The following NUP43 variants were observed in gnomAD, a reference collection of about 807,000 sequenced individuals.
The protein encoded by NUP43 is nucleoporin 43, also known as nucleoporin Nup43.
Under a neutral mutation model 47.3 loss-of-function variants are expected in NUP43, and 32 were observed. The observed-to-expected ratio is 0.68, with a 90% CI of 0.51 to 0.91. The LOEUF is 0.91. Among genes scored for constraint, NUP43 ranks in the 40% least tolerant of loss-of-function variants. The pLI, the probability that NUP43 is intolerant of heterozygous loss-of-function variation, is 0.00. For missense variants in NUP43, 444 were observed against 453.9 expected, an observed-to-expected ratio of 0.98 and a Z score of 0.20; for synonymous variants, 147 against 158.4, an observed-to-expected ratio of 0.93 and a Z score of 0.54.
In NUP43 at chr6:149,742,374, C is replaced by G; in HGVS notation, c.502+16G>C. On this transcript the variant is annotated intron_variant, in intron 4 of 7. Coordinates refer to ENST00000340413, the MANE Select transcript of NUP43 (RefSeq NM_198887.3). ...ACTAGGTTTCGCCATGTTGGCCAGG[C>G]TGGGATTTTTCTTACCTATGGTTCT... 1 of 1,612,214 alleles carries G rather than the reference C, an allele frequency of 6.2e-7. No individual in the cohort carries two copies. The highest frequency in any genetic ancestry group is 8.5e-7 in the Non-Finnish European group (1 of 1,178,528).
chr6:149,742,215 G>A (rs959010534), intron 4 of NUP43, among the ~76,000 whole-genome samples, 175 bp downstream of exon 4: 1 of 152,082 alleles, frequency 6.6e-6, no homozygotes, highest in East Asian at 1.9e-4. Flanking sequence ...TAGTAGAGAC[G>A]GTGTTTCTCC....
At chr6:149,747,865 T>C (rs1008904185), upstream of NUP43, among the ~76,000 whole-genome samples, 5 of 152,228 alleles carry the variant, frequency 3.3e-5, no homozygotes, top group African/African-American at 1.2e-4. Context: ...TCCATCTGGG[T>C]CAGCTTTAGA....
At chr6:149,728,988 T>A (rs1428521635) in intron 7 of NUP43, among the ~76,000 whole-genome samples, 1 of 152,094 alleles carries the variant, frequency 6.6e-6, no homozygotes, top group Non-Finnish European at 1.5e-5. Flanking sequence ...GGCCATGTTA[T>A]TTTCCTTTTT....
At chr6:149,733,817 A>T (rs1470164109) in intron 6 of NUP43, among the ~76,000 whole-genome samples, 1 of 149,400 alleles carries the variant, frequency 6.7e-6, no homozygotes, top group Non-Finnish European at 1.5e-5. Flanking sequence ...TTTCCTCAAA[A>T]TCTGTTTTGT....
At chr6:149,732,165 A>AG (rs1785083826) in intron 6 of NUP43, among the ~76,000 whole-genome samples, 1 of 148,902 alleles carries the variant, frequency 6.7e-6, no homozygotes, top group Non-Finnish European at 1.5e-5. Context: ...CTGGGCGACA[A>AG]AGTGAGACAC....
Position 149,742,720 on chromosome 6 carries a change from C to T in NUP43, c.322-150G>A, listed in dbSNP as rs1465769596. The T allele has an allele frequency of 1.2e-5, 7 of 591,470 alleles. No homozygotes were observed. In the East Asian group the frequency reaches 1.4e-4, roughly 12 times the overall value. The allele number at this position is 591,470 out of a possible 1,614,324, so 36.6% of individuals were successfully genotyped here. A position where few individuals can be genotyped will look rare whatever the true frequency, so the allele number is the denominator to read the frequency against. ...TTAGAATAATGAAATCTAGAAACTA[C>T]TGCCATCAAAGTTCTATATACACTG... On this transcript the variant is annotated intron_variant, in intron 3 of 7. Transcript: ENST00000340413.
chr6:149,746,276 G>A, intron 1 of NUP43, 100 bp downstream of exon 1: 1 of 1,526,956 alleles, frequency 6.5e-7, no homozygotes, highest in Non-Finnish European at 8.9e-7. Flanking sequence ...CTAAAAGTGC[G>A]AGAAGAACCA....
intron 6 of NUP43, among the ~76,000 whole-genome samples, chr6:149,732,233 C>T (rs533927470): frequency 6.7e-6 from 1 of 150,146 alleles, no homozygotes; most frequent in South Asian, 2.1e-4. Context: ...ACTAAATTTG[C>T]GTACTGGGCA....
intron 1 of NUP43, 37 bp downstream of exon 1, chr6:149,746,339 G>A (rs1242423565): frequency 1.9e-6 from 3 of 1,607,322 alleles, no homozygotes; most frequent in African/African-American, 1.3e-5. Flanking sequence ...CCGGAGAGAG[G>A]GAGGAGGTAG....
At chr6:149,738,924 T>C in intron 4 of NUP43, 146 bp from the exon 5 acceptor site, 1 of 438,476 alleles carries the variant, frequency 2.3e-6, no homozygotes, top group Non-Finnish European at 3.9e-6. Flanking sequence ...GCATGGTTAA[T>C]GTATATGTTT....
rs776726806 is a variant in NUP43 at position 149,738,689 on chromosome 6, A to G, written c.592T>C (p.Trp198Arg). Residue 198 changes from tryptophan to arginine, a missense_variant, in exon 5 of 8, where the codon TGG becomes CGG. By Grantham distance (101) the Trp-to-Arg change is moderately radical. Transcript: ENST00000340413. ...TCATTTCCTTGTTGTCTGAAATCCC[A>G]TATTTTCAACTGTCCAATTGAATTT... ...TVNSIGQLKIWDFRQQGNEPS... is the reference protein window; with the variant it reads ...TVNSIGQLKIRDFRQQGNEPS... 22 of 1,592,638 alleles carry G rather than the reference A, an allele frequency of 1.4e-5. No homozygotes were observed. Among genetic ancestry groups the G allele is most frequent in the East Asian group, 2.3e-5 (1 of 44,264 alleles).
chr6:149,734,282 GT>G (rs1158577896), intron 6 of NUP43, among the ~76,000 whole-genome samples: 1 of 151,884 alleles, frequency 6.6e-6, no homozygotes, highest in Non-Finnish European at 1.5e-5. Context: ...CTTAAGTGAG[GT>G]ACCATGCCAC....
intron 7 of NUP43, among the ~76,000 whole-genome samples, chr6:149,730,906 C>T (rs984280144): frequency 1.3e-5 from 2 of 151,908 alleles, no homozygotes; most frequent in African/African-American, 4.8e-5. Context: ...CCACTGCAGT[C>T]CAGCCTGCAT....
chr6:149,744,388 C>G (rs555729043), intron 2 of NUP43, among the ~76,000 whole-genome samples: 3 of 150,980 alleles, frequency 2.0e-5, no homozygotes, highest in African/African-American at 7.3e-5. Flanking sequence ...GCTGGGCGTG[C>G]TGGCATGTGC....
intron 4 of NUP43, among the ~76,000 whole-genome samples, chr6:149,740,342 C>T (rs942383414): frequency 8.2e-6 from 1 of 121,358 alleles, no homozygotes; most frequent in African/African-American, 3.2e-5. Context: ...TAATAAACAA[C>T]ACAAAAGGCC....
At chr6:149,736,719 G>A in intron 5 of NUP43, 97 bp from the exon 6 acceptor site, 1 of 1,072,344 alleles carries the variant, frequency 9.3e-7, no homozygotes, top group Non-Finnish European at 1.4e-6. Flanking sequence ...TTGAGACAAG[G>A]CCTCACTTAC....
intron 2 of NUP43, among the ~76,000 whole-genome samples, chr6:149,744,300 C>T (rs1330861191): frequency 2.0e-5 from 3 of 150,874 alleles, no homozygotes; most frequent in South Asian, 2.1e-4. Context: ...CTGAGGCAAG[C>T]GGATCACGAG....
intron 1 of NUP43, 88 bp downstream of exon 1, chr6:149,746,288 A>G (rs1785995371): frequency 6.5e-7 from 1 of 1,549,244 alleles, no homozygotes; most frequent in Admixed American, 1.8e-5. Context: ...GAAGAACCAG[A>G]AGGTGGGAGT....
intron 7 of NUP43, chr6:149,727,792 CG>C (rs1562372609): frequency 2.0e-6 from 2 of 983,444 alleles, no homozygotes; most frequent in African/African-American, 3.5e-5. Flanking sequence ...TCTCTAACAG[CG>C]CACTGTACTT....
Sources: allele counts gnomAD v4.1 joint callset (sites outside exome capture counted in the v4.1 genomes callset), GRCh38; gene constraint gnomAD v4.1.1; transcripts MANE v1.5; gene names NCBI Gene and HGNC (gene_info 2026-07-23, HGNC 2026-07-21).